Variants in UTRN observed in about 807,000 individuals in gnomAD.
UTRN encodes the protein dystrophin-related protein 1.
In UTRN, 283 loss-of-function variants were observed where a neutral mutation model predicts 463.9. The observed-to-expected ratio is 0.61, with a 90% CI of 0.55 to 0.67. The LOEUF (loss-of-function observed/expected upper bound fraction) is 0.67. UTRN is among the 30% of genes least tolerant of loss of function. The pLI is 0.00. For synonymous variants in UTRN, 1,442 were observed against 1,431.5 expected (o/e 1.01, Z -0.17); for missense variants, 3,922 against 4,084.3 (o/e 0.96, Z 1.08).
chr6:144,826,844 G>C (rs1205111422), intron 66 of UTRN, among the ~76,000 whole-genome samples: 2 of 152,032 alleles, frequency 1.3e-5, no homozygotes, highest in Non-Finnish European at 2.9e-5. Flanking sequence ...GGGTACATCT[G>C]GGTTTGGATG....
At chr6:144,782,392 G>A (rs1312635187) in intron 61 of UTRN, among the ~76,000 whole-genome samples, 3 of 151,990 alleles carry the variant, frequency 2.0e-5, no homozygotes, top group African/African-American at 7.2e-5. Flanking sequence ...TTGCCAAAAT[G>A]CTAGGGGAAA....
At chr6:144,576,078 C>G (rs899591943) in intron 50 of UTRN, among the ~76,000 whole-genome samples, 3 of 152,142 alleles carry the variant, frequency 2.0e-5, no homozygotes, top group Non-Finnish European at 4.4e-5. Flanking sequence ...CATATTGTAA[C>G]ACGTGTCAGT....
At chr6:144,305,631 G>A (rs927230689) in intron 2 of UTRN, among the ~76,000 whole-genome samples, 40 of 152,260 alleles carry the variant, frequency 2.6e-4, no homozygotes, top group African/African-American at 9.2e-4. Context: ...CTGAAGTGTA[G>A]TTGAGTTACA....
chr6:144,368,077 G>A (rs1400886785), intron 2 of UTRN, among the ~76,000 whole-genome samples: 3 of 152,098 alleles, frequency 2.0e-5, no homozygotes, highest in Admixed American at 6.5e-5. Context: ...ACTGCACCCC[G>A]CCTTCTGTTT....
In UTRN at chr6:144,554,668, T is replaced by C; in HGVS notation, c.6929-20T>C. Reference sequence around the variant, plus strand: ...GGTTACATGTTGGGATTTTTTTTTCTTTTATAATGCTACCCTCAGTGGAAA... The same window carrying C: ...GGTTACATGTTGGGATTTTTTTTTCCTTTATAATGCTACCCTCAGTGGAAA... On this transcript the variant is annotated intron_variant, in intron 48 of 74. Coordinates refer to ENST00000367545, the MANE Select transcript of UTRN (RefSeq NM_007124.3). 6.2e-7 allele frequency: 1 copy of C among 1,608,290 alleles called. No homozygotes were observed.
chr6:144,836,432 A>G lies in UTRN; in HGVS notation c.9956A>G (p.Lys3319Arg). ...SEDSELIAEAKLLRQHKGRLE... is the reference protein window; with the variant it reads ...SEDSELIAEARLLRQHKGRLE... ...GATTCAGAACTTATAGCAGAAGCAAAACTCCTCAGGCAGCACAAAGGTCGG... is the reference window on the plus strand; with the variant it reads ...GATTCAGAACTTATAGCAGAAGCAAGACTCCTCAGGCAGCACAAAGGTCGG... Residue 3319 changes from lysine to arginine, a missense_variant, in exon 71 of 75, where the codon AAA becomes AGA. By Grantham distance (26) the Lys-to-Arg change is conservative. Transcript: ENST00000367545. 6.2e-7 allele frequency: 1 copy of G among 1,614,054 alleles called. No homozygotes were observed. Among genetic ancestry groups the G allele is most frequent in the Non-Finnish European group, 8.5e-7 (1 of 1,179,970 alleles).
intron 53 of UTRN, among the ~76,000 whole-genome samples, chr6:144,700,841 C>G (rs944924587): frequency 2.0e-5 from 3 of 151,902 alleles, no homozygotes; most frequent in African/African-American, 7.3e-5. Flanking sequence ...TCAAGTGATT[C>G]TCCTGCCTCA....
At chr6:144,337,283 A>G (rs892572860) in intron 2 of UTRN, among the ~76,000 whole-genome samples, 2 of 151,952 alleles carry the variant, frequency 1.3e-5, no homozygotes, top group African/African-American at 4.8e-5. Context: ...CACTCCTTCT[A>G]TCTACTCCTT....
intron 9 of UTRN, among the ~76,000 whole-genome samples, chr6:144,432,300 T>C (rs1416897350): frequency 1.3e-5 from 2 of 152,358 alleles, no homozygotes; most frequent in East Asian, 3.9e-4. Context: ...TCAGTTTAAA[T>C]GGAGCCTTTT....
chr6:144,372,493 TTTTTA>T (rs1237401457), intron 2 of UTRN, among the ~76,000 whole-genome samples: 2 of 152,090 alleles, frequency 1.3e-5, no homozygotes, highest in African/African-American at 2.4e-5. Flanking sequence ...GTCTTTTTAT[TTTTTA>T]TTTTATTTTT....
intron 51 of UTRN, among the ~76,000 whole-genome samples, chr6:144,608,599 G>C (rs1029789834): frequency 1.3e-5 from 2 of 152,152 alleles, no homozygotes; most frequent in African/African-American, 2.4e-5. Flanking sequence ...GGCACACACA[G>C]AGAATTTCCC....
At chr6:144,352,120 G>A (rs1330543124) in intron 2 of UTRN, among the ~76,000 whole-genome samples, 1 of 152,106 alleles carries the variant, frequency 6.6e-6, no homozygotes, top group East Asian at 1.9e-4. Context: ...TTTGACAGAA[G>A]AAATTTATTC....
intron 69 of UTRN, among the ~76,000 whole-genome samples, chr6:144,831,071 T>C (rs192868577): frequency 9.8e-5 from 15 of 152,298 alleles, no homozygotes; most frequent in Non-Finnish European, 2.1e-4. Context: ...TAGATGCAGA[T>C]ACTGTCTCCA....
At chr6:144,850,657 C>A (rs976810079) in intron 74 of UTRN, among the ~76,000 whole-genome samples, 4 of 152,126 alleles carry the variant, frequency 2.6e-5, no homozygotes, top group African/African-American at 7.2e-5. Context: ...TCCCACAGTC[C>A]CCCAGGAAGA....
chr6:144,314,303 T>G (rs990047489), intron 2 of UTRN, among the ~76,000 whole-genome samples: 28 of 152,190 alleles, frequency 1.8e-4, no homozygotes, highest in African/African-American at 6.8e-4. Flanking sequence ...CAGGCCTGGT[T>G]TCCGCATTCC....
intron 57 of UTRN, among the ~76,000 whole-genome samples, chr6:144,757,292 T>C (rs1443438289): frequency 3.4e-5 from 5 of 147,598 alleles, no homozygotes; most frequent in African/African-American, 7.5e-5. Context: ...ATCTCAGTCA[T>C]AGTAAGGTCT....
intron 53 of UTRN, among the ~76,000 whole-genome samples, chr6:144,729,295 A>AT (rs1306357465): frequency 6.6e-6 from 1 of 151,904 alleles, no homozygotes; most frequent in Non-Finnish European, 1.5e-5. Flanking sequence ...GTATTTCTAG[A>AT]TTTTTTCATT....
At chr6:144,622,752 GT>G (rs1354954820) in intron 51 of UTRN, among the ~76,000 whole-genome samples, 1 of 152,122 alleles carries the variant, frequency 6.6e-6, no homozygotes, top group Non-Finnish European at 1.5e-5. Flanking sequence ...TTTAAAATAT[GT>G]TTTCTCACAA....
At position 144,440,464 on chromosome 6, in the gene UTRN, A is replaced by G; in HGVS notation, c.1505A>G (p.Gln502Arg). ...AGTGCTACAGCTATCCTAGAAGACC[A>G]GTTACAGGTAAGAGTGCTGTAAAGT... is the stretch of plus-strand genomic sequence containing the variant. ...GESATAILEDQLQKLGERWTA... is the reference protein window; with the variant it reads ...GESATAILEDRLQKLGERWTA... The change falls in exon 13 of 75, where the codon CAG becomes CGG. Residue 502 changes from glutamine (Q) to arginine (R), a missense_variant. Physicochemically the swap from Gln to Arg is conservative, Grantham distance 43 (BLOSUM62 1). This residue lies in a region of UTRN where 2,349 missense variants were observed against 2,303.8 expected (regional missense o/e 1.02). Transcript: ENST00000367545. The G allele has an allele frequency of 6.2e-7, 1 of 1,614,188 alleles. No individual in the cohort carries two copies. Among genetic ancestry groups the G allele is most frequent in the Non-Finnish European group, 8.5e-7 (1 of 1,180,026 alleles).
Sources: gnomAD v4.1 joint callset for allele counts (sites outside exome capture counted in the v4.1 genomes callset) on GRCh38, gnomAD v4.1.1 for gene constraint, gnomAD v4.1.1 regional missense constraint, MANE v1.5 for transcripts, NCBI Gene and HGNC (gene_info 2026-07-23, HGNC 2026-07-21) for gene names.